The following RANBP17 variants were observed in gnomAD, a reference collection of about 807,000 sequenced individuals.
The protein encoded by RANBP17 is RAN binding protein 17.
A neutral mutation model predicts 141.2 loss-of-function variants in RANBP17; 158 were observed. The ratio of observed to expected loss-of-function variants is 1.12; its 90% CI spans 0.98 to 1.28. The LOEUF (loss-of-function observed/expected upper bound fraction) is 1.28, where lower values mean the gene tolerates loss of function less well. Ranked by LOEUF, RANBP17 falls within the 50% of genes most tolerant of loss-of-function variation. The pLI is 0.00. For missense variants in RANBP17, 1,438 were observed against 1,290.7 expected (o/e 1.11, Z -1.75); for synonymous variants, 430 against 450.0 (o/e 0.96, Z 0.56).
chr5:171,009,754 A>C (rs928217799), intron 14 of RANBP17, among the ~76,000 whole-genome samples: 3 of 152,148 alleles, frequency 2.0e-5, no homozygotes, highest in African/African-American at 7.2e-5. Flanking sequence ...TAACTGATGG[A>C]AACACTTGTA....
chr5:171,272,170 CA>C (rs1358211576), intron 25 of RANBP17, among the ~76,000 whole-genome samples: 1 of 152,144 alleles, frequency 6.6e-6, no homozygotes, highest in East Asian at 1.9e-4. Context: ...AAGGGAACAA[CA>C]GATACCGGGG....
chr5:171,293,478 G>C (rs902160477), intron 25 of RANBP17, among the ~76,000 whole-genome samples: 1 of 152,224 alleles, frequency 6.6e-6, no homozygotes, highest in African/African-American at 2.4e-5. Context: ...GGGCCATGGA[G>C]AGATTTCATC....
intron 14 of RANBP17, among the ~76,000 whole-genome samples, chr5:171,095,476 G>T (rs1484627062): frequency 6.6e-6 from 1 of 152,068 alleles, no homozygotes; most frequent in Non-Finnish European, 1.5e-5. Context: ...ACTGGCTACG[G>T]TAAAGAAATC....
intron 14 of RANBP17, among the ~76,000 whole-genome samples, chr5:171,040,391 G>T (rs1782179238): frequency 6.6e-6 from 1 of 152,126 alleles, no homozygotes; most frequent in African/African-American, 2.4e-5. Context: ...GTTGCAAAAT[G>T]TCTTTGTTTT....
intron 14 of RANBP17, among the ~76,000 whole-genome samples, chr5:170,990,386 T>C (rs1215494570): frequency 6.6e-6 from 1 of 151,882 alleles, no homozygotes; most frequent in Non-Finnish European, 1.5e-5. Flanking sequence ...ATATAAACTT[T>C]AGTAGTGTGG....
intron 14 of RANBP17, among the ~76,000 whole-genome samples, chr5:171,015,868 A>G (rs1780391147): frequency 6.6e-6 from 1 of 152,108 alleles, no homozygotes. Flanking sequence ...TGATATAGAG[A>G]TTATTTCTGG....
intron 12 of RANBP17, among the ~76,000 whole-genome samples, chr5:170,944,680 A>C (rs1349838878): frequency 6.6e-6 from 1 of 152,238 alleles, no homozygotes; most frequent in Non-Finnish European, 1.5e-5. Context: ...TTTCTCATAC[A>C]ATAGAAACCA....
At chr5:170,868,208 T>G (rs1767430984) in intron 1 of RANBP17, among the ~76,000 whole-genome samples, 1 of 152,182 alleles carries the variant, frequency 6.6e-6, no homozygotes, top group South Asian at 2.1e-4. Flanking sequence ...GTTTACATCA[T>G]TGTCTCCTAG....
rs373852324 is a variant in RANBP17 at position 171,058,404 on chromosome 5, A to G, written c.1710+90027A>G. Among the ~76,000 whole-genome samples, 62 of 147,244 alleles carry G rather than the reference A, an allele frequency of 4.2e-4. 1 individual carries two copies. In the South Asian group the frequency reaches 0.013, roughly 31 times the overall value. ...TCAATTCCCGCCCATGAGTGAGAAC[A>G]TGCGGTGTTTGGTTTTTTGTCCTTG... On this transcript the variant is annotated intron_variant, in intron 14 of 27. Transcript: ENST00000523189.
At chr5:171,170,423 C>T (rs1480850943) in intron 15 of RANBP17, among the ~76,000 whole-genome samples, 3 of 152,212 alleles carry the variant, frequency 2.0e-5, no homozygotes, top group Admixed American at 6.5e-5. Context: ...TTCCATACAA[C>T]GGCAGCGTGC....
At position 170,968,497 on chromosome 5, in the gene RANBP17, A is replaced by G. The variant is rs773548737; in HGVS notation, c.1710+120A>G. 3 of 925,158 alleles carry G rather than the reference A, an allele frequency of 3.2e-6. No individual in the cohort carries two copies. The Admixed American group carries it at 5.7e-5, about 18-fold the overall frequency. The allele number at this position is 925,158 out of a possible 1,614,324, so 57.3% of individuals were successfully genotyped here. On this transcript the variant is annotated intron_variant, in intron 14 of 27. Transcript: ENST00000523189. ...AGACGTGTAATTGATTAATGAATTG[A>G]TGAATTGGTGATGAAGTGCAATGTA...
chr5:171,017,851 TGGTTAG>T (rs1333770183), intron 14 of RANBP17, among the ~76,000 whole-genome samples: 1 of 152,216 alleles, frequency 6.6e-6, no homozygotes, highest in African/African-American at 2.4e-5. Context: ...TGAATGGTGT[TGGTTAG>T]GTTTTCTTCT....
At chr5:171,102,569 T>C (rs1176147762) in intron 14 of RANBP17, among the ~76,000 whole-genome samples, 2 of 152,154 alleles carry the variant, frequency 1.3e-5, no homozygotes, top group Non-Finnish European at 2.9e-5. Context: ...AGTTTGTTAT[T>C]ACGCACTTTC....
At chr5:171,091,058 T>A (rs961813498) in intron 14 of RANBP17, among the ~76,000 whole-genome samples, 4 of 152,114 alleles carry the variant, frequency 2.6e-5, no homozygotes, top group African/African-American at 7.2e-5. Context: ...AGGGCCACCA[T>A]CCTCCATACC....
At chr5:170,964,547 C>G (rs1000622384) in intron 13 of RANBP17, among the ~76,000 whole-genome samples, 3 of 152,080 alleles carry the variant, frequency 2.0e-5, no homozygotes, top group African/African-American at 7.2e-5. Context: ...TCCCTTCCAC[C>G]TCCCCCCACC....
chr5:170,939,301 G>T (rs1316023732), intron 12 of RANBP17, among the ~76,000 whole-genome samples: 2 of 152,004 alleles, frequency 1.3e-5, no homozygotes, highest in African/African-American at 2.4e-5. Flanking sequence ...GGAAGAAGGG[G>T]CATGGTCCCA....
At chr5:171,266,906 C>G (rs1446343170) in intron 25 of RANBP17, among the ~76,000 whole-genome samples, 2 of 150,656 alleles carry the variant, frequency 1.3e-5, no homozygotes, top group Non-Finnish European at 2.9e-5. Context: ...GAGCAAGACT[C>G]CATCTCAAAA....
chr5:171,021,611 A>C (rs1213818770), intron 14 of RANBP17, among the ~76,000 whole-genome samples: 1 of 152,158 alleles, frequency 6.6e-6, no homozygotes, highest in Non-Finnish European at 1.5e-5. Context: ...TGTGTTATTC[A>C]GCTCCATCAG....
chr5:171,143,510 A>C (rs577125705), intron 14 of RANBP17: 1 of 152,300 alleles, frequency 6.6e-6, no homozygotes, highest in African/African-American at 2.4e-5. Context: ...TCTTTAAAAA[A>C]ATTTTTTTCA....
Sources: gnomAD v4.1 joint callset for allele counts (sites outside exome capture counted in the v4.1 genomes callset) on GRCh38, gnomAD v4.1.1 for gene constraint, MANE v1.5 for transcripts, NCBI Gene and HGNC (gene_info 2026-07-23, HGNC 2026-07-21) for gene names.